The following RPH3AL variants were observed in gnomAD, a reference collection of about 807,000 sequenced individuals.
RPH3AL encodes rabphilin 3A like (without C2 domains), also known as rab effector Noc2.
RPH3AL carries 38 observed loss-of-function variants against 43.1 expected under a neutral mutation model. The ratio of observed to expected loss-of-function variants is 0.88; its 90% CI spans 0.68 to 1.15. The LOEUF is 1.15. Ranked by LOEUF, RPH3AL falls within the 50% of genes most tolerant of loss-of-function variation. The probability of loss-of-function intolerance (pLI) is 0.00; values close to 1 mark genes in which losing one functional copy is unlikely to be tolerated. For missense variants in RPH3AL, 462 were observed against 423.2 expected, an observed-to-expected ratio of 1.09 and a Z score of -0.81; for synonymous variants, 189 against 176.3, an observed-to-expected ratio of 1.07 and a Z score of -0.57.
At position 323,281 on chromosome 17, in the gene RPH3AL, T is replaced by A. The variant is rs933823658; in HGVS notation, c.78-1866A>T. On this transcript the variant is annotated intron_variant, in intron 3 of 9. Transcript: ENST00000331302. This position sits in a 1 kb window ranked among gnomAD's most constrained non-coding sequence, Gnocchi z 4.4. Reference sequence around the variant, plus strand: ...CAATTTAAAAAAAAAAAAACTGCAATGCCCTAGACCAACGCTTTCCAAGCA... The same window carrying A: ...CAATTTAAAAAAAAAAAAACTGCAAAGCCCTAGACCAACGCTTTCCAAGCA... Among the ~76,000 whole-genome samples the A allele has an allele frequency of 6.7e-6, 1 of 149,346 alleles. No homozygotes were observed. The highest frequency in any genetic ancestry group is 1.5e-5 in the Non-Finnish European group (1 of 67,512).
At chr17:272,930 ACATCAGGGAGAGACCCCAGCAAGGGCT>A (rs1282084286) in intron 6 of RPH3AL, among the ~76,000 whole-genome samples, 1 of 149,744 alleles carries the variant, frequency 6.7e-6, no homozygotes, top group African/African-American at 2.5e-5. Flanking sequence ...AGCAAGGGCG[ACATCAGGGAGAGACCCCAGCAAGGGCT>A]ACGTCAGGGT....
In RPH3AL at chr17:241,711, C is replaced by CTTT. The variant is rs1001979455; in HGVS notation, c.613+5397_613+5399dup. ...GTAAGTAGAAGAGATGTTTCTTTTT[C>CTTT]TTTTTTTTTCTTTTTTTTTTTTTTT... On this transcript the variant is annotated intron_variant, in intron 7 of 9. Transcript: ENST00000331302. Among the ~76,000 whole-genome samples, 26 of 92,766 alleles carry CTTT rather than the reference C, an allele frequency of 2.8e-4. No individual in the cohort carries two copies. The South Asian group carries it at 0.011, about 38-fold the overall frequency. The allele number at this position is 92,766 out of a possible 152,430, so 60.9% of individuals were successfully genotyped here.
In RPH3AL at chr17:290,056, C is replaced by T. The variant is rs2043012266; in HGVS notation, c.352-8202G>A. 6.6e-6 allele frequency among the ~76,000 whole-genome samples: 1 copy of T among 152,206 alleles called. No homozygotes were observed. Among genetic ancestry groups the T allele is most frequent in the Non-Finnish European group, 1.5e-5 (1 of 68,042 alleles). On this transcript the variant is annotated intron_variant, in intron 5 of 9. Transcript: ENST00000331302. This position sits in a 1 kb window ranked among gnomAD's most constrained non-coding sequence, Gnocchi z 4.2. Reference sequence around the variant, plus strand: ...CTGTGCCCGGCACAGTGACTATTTGCAGAAGAACGGATTGAACAAATGGAA... The same window carrying T: ...CTGTGCCCGGCACAGTGACTATTTGTAGAAGAACGGATTGAACAAATGGAA...
chr17:336,616 CAG>C (rs1252341547), intron 1 of RPH3AL, among the ~76,000 whole-genome samples: 3 of 152,182 alleles, frequency 2.0e-5, no homozygotes, highest in African/African-American at 7.2e-5. Context: ...CACGTACAGC[CAG>C]AGAGACCATC....
At chr17:263,687 G>T (rs2042253429) in intron 6 of RPH3AL, among the ~76,000 whole-genome samples, 1 of 152,252 alleles carries the variant, frequency 6.6e-6, no homozygotes, top group South Asian at 2.1e-4. Context: ...TCTGGATGTG[G>T]CTTAAGGGAG....
chr17:251,425 A>G (rs1246528101), intron 6 of RPH3AL, among the ~76,000 whole-genome samples: 1 of 152,212 alleles, frequency 6.6e-6, no homozygotes, highest in African/African-American at 2.4e-5. Flanking sequence ...TGAGGCTCCA[A>G]CAAGTTCAGC....
chr17:318,889 T>C (rs1012493334), intron 5 of RPH3AL, among the ~76,000 whole-genome samples: 1 of 152,252 alleles, frequency 6.6e-6, no homozygotes, highest in Non-Finnish European at 1.5e-5. Flanking sequence ...AGCATACTGC[T>C]TGGACTTCAG....
At chr17:316,173 GCT>G (rs2044158626) in intron 5 of RPH3AL, among the ~76,000 whole-genome samples, 3 of 122,846 alleles carry the variant, frequency 2.4e-5, no homozygotes, top group South Asian at 2.9e-4. Context: ...TAGTCCCTGT[GCT>G]CCACCTCCAC....
intron 7 of RPH3AL, among the ~76,000 whole-genome samples, chr17:222,779 C>A (rs1567562236): frequency 6.6e-6 from 1 of 152,232 alleles, no homozygotes; most frequent in South Asian, 2.1e-4. Context: ...ACCCACAGAC[C>A]CTGGCCAAGC....
At chr17:331,936 T>A in intron 2 of RPH3AL, 5 of 1,189,334 alleles carry the variant, frequency 4.2e-6, no homozygotes, top group Non-Finnish European at 5.6e-6. Flanking sequence ...AGAAGGTGAG[T>A]GGAAAAGCAG....
rs768809781 is a variant in RPH3AL at position 219,648 on chromosome 17, T to C, written c.702A>G (p.Lys234=). The change falls in exon 8 of 10, where the codon AAA becomes AAG. Residue 234 remains lysine, a synonymous_variant. Transcript: ENST00000331302. ...RLPSTGVRDR[K]GDKPWKESGG... The stretch of plus-strand genomic sequence containing the variant: ...CTGACTCCTTCCAGGGTTTGTCGCC[T>C]TTCCGGTCCCTGACCCCAGTGGATG... The C allele has an allele frequency of 1.9e-6, 3 of 1,612,732 alleles. No individual in the cohort carries two copies. The highest frequency in any genetic ancestry group is 4.5e-5 in the East Asian group (2 of 44,810).
intron 5 of RPH3AL, among the ~76,000 whole-genome samples, chr17:316,798 G>A (rs1342316167): frequency 1.7e-5 from 2 of 116,668 alleles, no homozygotes; most frequent in Admixed American, 8.3e-5. Context: ...CCATTGACCT[G>A]TAGTCCCTGT....
intron 6 of RPH3AL, among the ~76,000 whole-genome samples, chr17:273,290 G>A (rs1356128505): frequency 9.8e-6 from 1 of 102,014 alleles, no homozygotes; most frequent in African/African-American, 3.4e-5. Context: ...CCCCAGCGAG[G>A]GTGACGTCAG....
intron 1 of RPH3AL, among the ~76,000 whole-genome samples, chr17:334,249 A>G (rs2044878944): frequency 6.6e-6 from 1 of 152,240 alleles, no homozygotes; most frequent in African/African-American, 2.4e-5. Flanking sequence ...CTGACCTTCC[A>G]AAACTCTCAG....
intron 5 of RPH3AL, among the ~76,000 whole-genome samples, chr17:315,169 ACCTCCATTCACCTGTAGTCCCTGTG>A (rs1468488283): frequency 5.6e-5 from 1 of 17,954 alleles, no homozygotes; most frequent in Non-Finnish European, 1.1e-4. Flanking sequence ...CTGTGCCCCC[ACCTCCATTCACCTGTAGTCCCTGTG>A]CTCCACCTCC....
At chr17:349,967 G>A (rs1023057527) in intron 1 of RPH3AL, among the ~76,000 whole-genome samples, 6 of 152,184 alleles carry the variant, frequency 3.9e-5, no homozygotes, top group African/African-American at 9.7e-5. Context: ...GGAGCACAGA[G>A]GCCAATTAGA....
chr17:244,056 C>CCCTTCCTCTATTGATCA (rs1425405025), intron 7 of RPH3AL, among the ~76,000 whole-genome samples: 2 of 148,256 alleles, frequency 1.3e-5, no homozygotes, highest in African/African-American at 5.0e-5. Context: ...CTATTGATTA[C>CCCTTCCTCTATTGATCA]CCTTCCTCTA....
At chr17:298,249 G>A (rs1165046211) in intron 5 of RPH3AL, among the ~76,000 whole-genome samples, 1 of 152,136 alleles carries the variant, frequency 6.6e-6, no homozygotes, top group Non-Finnish European at 1.5e-5. Context: ...TGGGGTGCTG[G>A]GGCCCCTCAG....
At position 235,497 on chromosome 17, in the gene RPH3AL, A is replaced by G. The variant is rs879052547; in HGVS notation, c.613+11614T>C. 5.8e-3 allele frequency among the ~76,000 whole-genome samples: 425 copies of G among 73,604 alleles called. 45 individuals are homozygous for G. Among genetic ancestry groups the G allele is most frequent in the Middle Eastern group, 0.026 (2 of 78 alleles). The allele number at this position is 73,604 out of a possible 152,430, so 48.3% of individuals were successfully genotyped here. On this transcript the variant is annotated intron_variant, in intron 7 of 9. Transcript: ENST00000331302. The stretch of plus-strand genomic sequence containing the variant: ...CCGAGGCTCTGCACTAACAAGACGG[A>G]TCCAGGGTTCAAAGCTGGGGTCGGC...
Sources: gnomAD v4.1 joint callset for allele counts (sites outside exome capture counted in the v4.1 genomes callset) on GRCh38, gnomAD v4.1.1 for gene constraint, Gnocchi (gnomAD v3.1) non-coding constraint, MANE v1.5 for transcripts, NCBI Gene and HGNC (gene_info 2026-07-23, HGNC 2026-07-21) for gene names.